The following RIMS1 variants were observed in gnomAD, a reference collection of about 807,000 sequenced individuals.
The protein encoded by RIMS1 is regulating synaptic membrane exocytosis 1, also known as regulating synaptic membrane exocytosis protein 1.
Under a neutral mutation model 214.1 loss-of-function variants are expected in RIMS1, and 83 were observed. That is an observed-to-expected ratio of 0.39 (90% CI 0.32 to 0.47). The LOEUF is 0.47. Ranked by LOEUF, RIMS1 falls within the 20% of genes least tolerant of loss-of-function variation. The pLI is 0.99. For missense variants in RIMS1, 2,050 were observed against 2,161.8 expected, an observed-to-expected ratio of 0.95 and a Z score of 1.03; for synonymous variants, 793 against 786.8, an observed-to-expected ratio of 1.01 and a Z score of -0.13.
At chr6:72,119,594 TA>T (rs2037803001) in intron 4 of RIMS1, among the ~76,000 whole-genome samples, 1 of 151,744 alleles carries the variant, frequency 6.6e-6, no homozygotes, top group African/African-American at 2.4e-5. Context: ...GGTACTGGTA[TA>T]AAAATAGACC....
At chr6:72,313,466 C>G in intron 27 of RIMS1, 40 bp from the exon 28 acceptor site, 1 of 1,583,570 alleles carries the variant, frequency 6.3e-7, no homozygotes, top group Non-Finnish European at 8.6e-7. Context: ...TTTCCATTGT[C>G]TAATGATGGA....
chr6:72,295,281 G>T (rs2093947764), intron 26 of RIMS1, among the ~76,000 whole-genome samples: 1 of 151,656 alleles, frequency 6.6e-6, no homozygotes, highest in South Asian at 2.1e-4. Flanking sequence ...CTTATAAAAT[G>T]TCTAAGAAGT....
chr6:72,355,413 AT>A (rs1376511167), intron 29 of RIMS1, among the ~76,000 whole-genome samples: 1 of 152,206 alleles, frequency 6.6e-6, no homozygotes, highest in Non-Finnish European at 1.5e-5. Flanking sequence ...TAGAGCAAAA[AT>A]AACCTGGAAA....
At chr6:72,137,610 G>A (rs995792441) in intron 4 of RIMS1, among the ~76,000 whole-genome samples, 2 of 151,058 alleles carry the variant, frequency 1.3e-5, no homozygotes, top group Non-Finnish European at 3.0e-5. Context: ...TATATTAAAT[G>A]TGTTTTAAAT....
At position 72,266,404 on chromosome 6, in the gene RIMS1, G is replaced by A. The variant is rs994110469; in HGVS notation, c.3398+355G>A. On this transcript the variant is annotated intron_variant, in intron 22 of 33. Coordinates refer to ENST00000521978, the MANE Select transcript of RIMS1 (RefSeq NM_014989.7). ...TATAAGGTCCAGTGAATTATCCGAA[G>A]GGGAGGATCACTTTCCTCTTAGTAC... 68 of 309,564 alleles carry A rather than the reference G, an allele frequency of 2.2e-4. 1 individual carries two copies. The highest frequency in any genetic ancestry group is 1.1e-3 in the Middle Eastern group (1 of 950). 19.2% of individuals were successfully genotyped at this position (309,564 alleles called of 1,614,324 possible). A position where few individuals can be genotyped will look rare whatever the true frequency, so the allele number is the denominator to read the frequency against.
At chr6:72,373,076 C>A (rs2098268634) in intron 29 of RIMS1, among the ~76,000 whole-genome samples, 1 of 152,104 alleles carries the variant, frequency 6.6e-6, no homozygotes. Flanking sequence ...AGCTAAGTAA[C>A]CACAGGCTAA....
At chr6:72,064,660 G>C (rs1023566468) in intron 2 of RIMS1, among the ~76,000 whole-genome samples, 3 of 150,486 alleles carry the variant, frequency 2.0e-5, no homozygotes, top group African/African-American at 7.4e-5. Flanking sequence ...AAATAAAAGA[G>C]CTAGACTTTG....
intron 29 of RIMS1, among the ~76,000 whole-genome samples, chr6:72,339,511 G>T (rs553590776): frequency 5.1e-4 from 77 of 151,278 alleles, no homozygotes; most frequent in Middle Eastern, 3.4e-3. Flanking sequence ...TCAATTCCCA[G>T]CTGTGAGTGA....
chr6:72,018,790 T>C (rs1158347689), intron 2 of RIMS1, among the ~76,000 whole-genome samples: 1 of 152,188 alleles, frequency 6.6e-6, no homozygotes. Context: ...GGCCATTTGG[T>C]TCAGCAATAT....
chr6:72,061,706 CTG>C (rs543896683), intron 2 of RIMS1, among the ~76,000 whole-genome samples: 53 of 152,332 alleles, frequency 3.5e-4, no homozygotes, highest in African/African-American at 1.2e-3. Flanking sequence ...AAATAGCTGA[CTG>C]TAAAATCAAA....
intron 2 of RIMS1, among the ~76,000 whole-genome samples, chr6:72,092,283 C>T (rs145068061): frequency 6.8e-4 from 40 of 59,028 alleles, no homozygotes; most frequent in South Asian, 3.3e-3. Context: ...CTCCCTCCCT[C>T]CCTCCCTCCC....
intron 29 of RIMS1, among the ~76,000 whole-genome samples, chr6:72,338,619 A>G (rs1594249060): frequency 6.6e-6 from 1 of 152,082 alleles, no homozygotes; most frequent in Admixed American, 6.6e-5. Context: ...AAACAAATTT[A>G]CAAGAAAAAA....
chr6:72,150,488 C>T (rs1429558981), intron 4 of RIMS1, among the ~76,000 whole-genome samples: 2 of 152,106 alleles, frequency 1.3e-5, no homozygotes, highest in East Asian at 3.9e-4. Context: ...ATATTGAAGA[C>T]ATTGAAATAT....
rs1404162453 is a variant in RIMS1, at chr6:72,154,310, A to T, written c.472-25265A>T. ...TTGCAGACAACTGACGGATAGATGG[A>T]TGTATTGATTGTATAATTATAAAAT... On this transcript the variant is annotated intron_variant, in intron 4 of 33. Coordinates refer to ENST00000521978, the MANE Select transcript of RIMS1 (RefSeq NM_014989.7). Among the ~76,000 whole-genome samples, 5 of 140,440 alleles carry T rather than the reference A, an allele frequency of 3.6e-5. 1 individual carries two copies. Among genetic ancestry groups the T allele is most frequent in the African/African-American group, 1.2e-4 (5 of 40,724 alleles). 92.1% of individuals were successfully genotyped at this position (140,440 alleles called of 152,430 possible).
At chr6:72,384,027 A>G (rs757240096) in intron 29 of RIMS1, among the ~76,000 whole-genome samples, 7 of 152,164 alleles carry the variant, frequency 4.6e-5, no homozygotes, top group Admixed American at 2.6e-4. Context: ...CAATTAATTG[A>G]TGGAGTTGGA....
intron 2 of RIMS1, among the ~76,000 whole-genome samples, chr6:71,983,842 G>T (rs1468410026): frequency 2.6e-5 from 4 of 152,174 alleles, no homozygotes; most frequent in African/African-American, 7.2e-5. Context: ...ATATTTAAAA[G>T]ATGTTCTTTC....
intron 2 of RIMS1, among the ~76,000 whole-genome samples, chr6:72,013,725 T>C (rs931136736): frequency 2.0e-5 from 3 of 152,214 alleles, no homozygotes; most frequent in Non-Finnish European, 2.9e-5. Context: ...ACATCTTTAC[T>C]GATATATAAT....
At chr6:72,052,887 G>A (rs1048912242) in intron 2 of RIMS1, among the ~76,000 whole-genome samples, 3 of 152,146 alleles carry the variant, frequency 2.0e-5, no homozygotes, top group Admixed American at 2.0e-4. Flanking sequence ...AAGCACAAAG[G>A]TTGTATTCAC....
chr6:72,008,340 AAAC>A (rs1420725215), intron 2 of RIMS1, among the ~76,000 whole-genome samples: 6 of 152,206 alleles, frequency 3.9e-5, no homozygotes, highest in African/African-American at 1.4e-4. Flanking sequence ...ACACGGAAAG[AAAC>A]AACTGGTACC....
Sources: allele counts gnomAD v4.1 joint callset (sites outside exome capture counted in the v4.1 genomes callset), GRCh38; gene constraint gnomAD v4.1.1; transcripts MANE v1.5; gene names NCBI Gene and HGNC (gene_info 2026-07-23, HGNC 2026-07-21).